The following ESRRG variants were observed in gnomAD, a reference collection of about 807,000 sequenced individuals.
The protein encoded by ESRRG is estrogen-related receptor gamma.
ESRRG carries 13 observed loss-of-function variants against 44.0 expected under a neutral mutation model. The observed-to-expected ratio is 0.30, with a 90% CI of 0.19 to 0.47. The LOEUF (loss-of-function observed/expected upper bound fraction) is 0.47. Among genes scored for constraint, ESRRG ranks in the 20% least tolerant of loss-of-function variants. The pLI is 1.00. For synonymous variants in ESRRG, 215 were observed against 214.6 expected, an observed-to-expected ratio of 1.00 and a Z score of -0.02; for missense variants, 395 against 580.6, an observed-to-expected ratio of 0.68 and a Z score of 3.29.
rs570904843 is a variant in ESRRG, at chr1:216,710,360, G to A, written c.56+12884C>T. Among the ~76,000 whole-genome samples the A allele has an allele frequency of 4.1e-4, 63 of 152,252 alleles. 1 individual carries two copies. Among genetic ancestry groups the A allele is most frequent in the Admixed American group, 3.8e-3 (58 of 15,280 alleles). ...GGAAACAAAGCCTGCCCAGGGTCCA[G>A]AAGACAAGAGAAACAACCCCACAAA... On this transcript the variant is annotated intron_variant, in intron 1 of 6. Transcript: ENST00000408911.
At chr1:216,668,361 G>A (rs2074427203) in intron 2 of ESRRG, among the ~76,000 whole-genome samples, 1 of 152,132 alleles carries the variant, frequency 6.6e-6, no homozygotes, top group Non-Finnish European at 1.5e-5. Flanking sequence ...CTTACGTAGT[G>A]TCACCCAACA....
chr1:216,930,436 C>A (rs11572500), intron 2 of ESRRG, among the ~76,000 whole-genome samples: 6 of 152,178 alleles, frequency 3.9e-5, no homozygotes, highest in African/African-American at 1.2e-4. Flanking sequence ...TTCAACCCCC[C>A]ATTTTCAGAC....
chr1:216,920,618 T>C (rs923787216), intron 2 of ESRRG, among the ~76,000 whole-genome samples: 2 of 152,208 alleles, frequency 1.3e-5, no homozygotes, highest in Admixed American at 1.3e-4. Context: ...TGGTGGTTTG[T>C]AGGATTTGGA....
intron 1 of ESRRG, among the ~76,000 whole-genome samples, chr1:216,955,202 C>T (rs549196893): frequency 2.0e-5 from 3 of 152,170 alleles, no homozygotes; most frequent in Admixed American, 6.6e-5. Context: ...TCCCTCACAC[C>T]TACCCCTCCC....
chr1:216,840,821 TTGGTCTTATATGGGTA>T (rs1285107716), intron 2 of ESRRG, among the ~76,000 whole-genome samples: 2 of 152,170 alleles, frequency 1.3e-5, no homozygotes, highest in Non-Finnish European at 2.9e-5. Flanking sequence ...GATTAAGTTC[TTGGTCTTATATGGGTA>T]TGGTTTGTGG....
intron 1 of ESRRG, among the ~76,000 whole-genome samples, chr1:217,054,850 C>T (rs2086770509): frequency 6.6e-6 from 1 of 152,040 alleles, no homozygotes; most frequent in Non-Finnish European, 1.5e-5. Flanking sequence ...TATAATATCA[C>T]TGAAACAACA....
intron 2 of ESRRG, among the ~76,000 whole-genome samples, chr1:216,870,023 T>C (rs1041009134): frequency 3.3e-5 from 5 of 151,994 alleles, no homozygotes; most frequent in South Asian, 2.1e-4. Context: ...TAGTACAATA[T>C]TGAATAGAAG....
chr1:217,025,686 C>G (rs1020879445), intron 1 of ESRRG, among the ~76,000 whole-genome samples: 1 of 152,068 alleles, frequency 6.6e-6, no homozygotes, highest in African/African-American at 2.4e-5. Context: ...CCAAACACAG[C>G]CCCTATCTAC....
chr1:216,919,568 A>C (rs2061582471), intron 2 of ESRRG, among the ~76,000 whole-genome samples: 2 of 152,232 alleles, frequency 1.3e-5, no homozygotes, highest in African/African-American at 4.8e-5. Context: ...GCATTAAAAC[A>C]GAATATTTTC....
At chr1:216,573,461 T>C (rs1282410635) in intron 3 of ESRRG, among the ~76,000 whole-genome samples, 1 of 151,988 alleles carries the variant, frequency 6.6e-6, no homozygotes, top group East Asian at 1.9e-4. Context: ...ATGGTTATTA[T>C]ACGAATGTAC....
chr1:216,592,959 G>A (rs1178814650), intron 3 of ESRRG, among the ~76,000 whole-genome samples: 2 of 152,120 alleles, frequency 1.3e-5, no homozygotes, highest in African/African-American at 4.8e-5. Context: ...TTAAAAATGA[G>A]GAAGGTGAGG....
chr1:216,779,986 T>C (rs2147857532), intron 2 of ESRRG, among the ~76,000 whole-genome samples: 1 of 151,908 alleles, frequency 6.6e-6, no homozygotes, highest in Non-Finnish European at 1.5e-5. Context: ...TAGAAGCATG[T>C]TTGTTAGTTT....
At chr1:217,137,206 T>C (rs1558303323) in intron 1 of ESRRG, among the ~76,000 whole-genome samples, 2 of 152,104 alleles carry the variant, frequency 1.3e-5, no homozygotes, top group South Asian at 2.1e-4. Flanking sequence ...CCAAACAGGG[T>C]CCCCCATGCA....
intron 1 of ESRRG, among the ~76,000 whole-genome samples, chr1:217,004,496 A>G (rs2077466629): frequency 6.6e-6 from 1 of 152,148 alleles, no homozygotes; most frequent in Non-Finnish European, 1.5e-5. Context: ...AGGCCTCCCC[A>G]GCCGTGTAGT....
chr1:216,818,226 G>A (rs540663610), intron 2 of ESRRG, among the ~76,000 whole-genome samples: 41 of 152,268 alleles, frequency 2.7e-4, no homozygotes, highest in African/African-American at 9.6e-4. Flanking sequence ...ATGAAGTGAC[G>A]TTTTTTGTCA....
chr1:216,998,346 T>A (rs1040252931), intron 1 of ESRRG, among the ~76,000 whole-genome samples: 2 of 152,196 alleles, frequency 1.3e-5, no homozygotes, highest in African/African-American at 4.8e-5. Flanking sequence ...AAAAATGAAA[T>A]TTTGAATGTT....
chr1:217,069,797 C>T (rs890212732), intron 1 of ESRRG, among the ~76,000 whole-genome samples: 1 of 152,142 alleles, frequency 6.6e-6, no homozygotes, highest in African/African-American at 2.4e-5. Context: ...CTGGTGGACT[C>T]CAGGAAGCTA....
intron 2 of ESRRG, among the ~76,000 whole-genome samples, chr1:216,860,411 C>A (rs535872610): frequency 6.6e-6 from 1 of 152,112 alleles, no homozygotes; most frequent in Non-Finnish European, 1.5e-5. Context: ...CTCTGCAGAT[C>A]CTCAAATAAG....
intron 2 of ESRRG, among the ~76,000 whole-genome samples, chr1:216,735,962 A>G (rs1474234214): frequency 7.9e-6 from 1 of 126,578 alleles, no homozygotes; most frequent in Non-Finnish European, 1.6e-5. Context: ...TAGGCGACAG[A>G]GCAATACTCC....
Sources: gnomAD v4.1 joint callset for allele counts (sites outside exome capture counted in the v4.1 genomes callset) on GRCh38, gnomAD v4.1.1 for gene constraint, MANE v1.5 for transcripts, NCBI Gene and HGNC (gene_info 2026-07-23, HGNC 2026-07-21) for gene names.